The following KAZN variants were observed in gnomAD, a reference collection of about 807,000 sequenced individuals.
The protein encoded by KAZN is kazrin, periplakin interacting protein.
KAZN carries 40 observed loss-of-function variants against 87.4 expected under a neutral mutation model. That is an observed-to-expected ratio of 0.46 (90% CI 0.36 to 0.60). The LOEUF is 0.60. Ranked by LOEUF, KAZN falls within the 20% of genes least tolerant of loss-of-function variation. The pLI, the probability that KAZN is intolerant of heterozygous loss-of-function variation, is 0.00. For missense variants in KAZN, 898 were observed against 1,073.9 expected (o/e 0.84, Z 2.29); for synonymous variants, 466 against 458.3 (o/e 1.02, Z -0.22).
chr1:14,695,563 T>C (rs1234174997), intron 1 of KAZN, among the ~76,000 whole-genome samples: 1 of 146,232 alleles, frequency 6.8e-6, no homozygotes, highest in Non-Finnish European at 1.5e-5. Flanking sequence ...TGGAGTGCAG[T>C]GGCGCAATCT....
At position 13,954,245 on chromosome 1, in the gene KAZN, A is replaced by C. The variant is rs149717113; in HGVS notation, c.91+60489A>C. Among the ~76,000 whole-genome samples, 942 of 152,204 alleles carry C rather than the reference A, an allele frequency of 6.2e-3. 9 individuals are homozygous for C. Among genetic ancestry groups the C allele is most frequent in the African/African-American group, 0.018 (764 of 41,522 alleles). On this transcript the variant is annotated intron_variant, in intron 1 of 16. Transcript: ENST00000636203. ...AAAATAAAACCAACCAACCAACCAA[A>C]CAAACAAACAAAAAAACCAACAACA...
At chr1:14,872,485 A>C (rs1652250739) in intron 1 of KAZN, among the ~76,000 whole-genome samples, 1 of 152,258 alleles carries the variant, frequency 6.6e-6, no homozygotes, top group Non-Finnish European at 1.5e-5. Flanking sequence ...GGATCATTAC[A>C]GTTTGCTTTG....
intron 1 of KAZN, among the ~76,000 whole-genome samples, chr1:14,046,581 A>G (rs1425395939): frequency 6.6e-6 from 1 of 152,200 alleles, no homozygotes; most frequent in African/African-American, 2.4e-5. Context: ...TGCAGAGATC[A>G]TTGGAGAGAG....
At chr1:14,086,756 G>A (rs771431661) in intron 1 of KAZN, among the ~76,000 whole-genome samples, 3 of 152,122 alleles carry the variant, frequency 2.0e-5, no homozygotes, top group Non-Finnish European at 4.4e-5. Flanking sequence ...TATGAGGGAA[G>A]GGTCTAGATA....
intron 1 of KAZN, among the ~76,000 whole-genome samples, chr1:14,953,640 GTTA>G (rs1223172580): frequency 6.6e-6 from 1 of 152,144 alleles, no homozygotes; most frequent in Non-Finnish European, 1.5e-5. Context: ...AGATGTAATT[GTTA>G]TTATAATAAA....
intron 2 of KAZN, among the ~76,000 whole-genome samples, chr1:14,202,393 A>T (rs560755434): frequency 6.6e-6 from 1 of 152,324 alleles, no homozygotes; most frequent in East Asian, 1.9e-4. Flanking sequence ...AGCATTACCA[A>T]CCTGGTCTCG....
At chr1:14,466,850 T>A (rs999091309) in intron 2 of KAZN, among the ~76,000 whole-genome samples, 3 of 152,094 alleles carry the variant, frequency 2.0e-5, no homozygotes, top group African/African-American at 4.8e-5. Flanking sequence ...GCGCCTGTGG[T>A]CCCAGCTACT....
chr1:14,853,801 G>A (rs1465257827), intron 1 of KAZN, among the ~76,000 whole-genome samples: 1 of 152,192 alleles, frequency 6.6e-6, no homozygotes, highest in Non-Finnish European at 1.5e-5. Context: ...ATTGGTGCTA[G>A]TACAGAAGTT....
Position 15,097,749 on chromosome 1 carries a change from C to G in KAZN, c.1547+2816C>G, listed in dbSNP as rs148375600. On this transcript the variant is annotated intron_variant, in intron 10 of 14. Transcript: ENST00000376030. Reference sequence around the variant, plus strand: ...AGGAGAATTTTTTGAACCCAGGAGGCGGAGGTTGCAGTGAGCCGAGACTGC... The same window carrying G: ...AGGAGAATTTTTTGAACCCAGGAGGGGGAGGTTGCAGTGAGCCGAGACTGC... Among the ~76,000 whole-genome samples, 915 of 152,132 alleles carry G rather than the reference C, an allele frequency of 6.0e-3. 4 individuals carry two copies. The highest frequency in any genetic ancestry group is 0.01 in the Non-Finnish European group (680 of 67,998).
In KAZN at chr1:14,949,438, G is replaced by T. The variant is rs1452334253; in HGVS notation, c.227-11246G>T. Among the ~76,000 whole-genome samples the T allele has an allele frequency of 1.3e-5, 2 of 152,144 alleles. No individual in the cohort carries two copies. Among genetic ancestry groups the T allele is most frequent in the Non-Finnish European group, 2.9e-5 (2 of 68,040 alleles). ...AGACTGTTCATAAGTCATCAAGGAG[G>T]CCTGGCCATGGGCTCTGGGACTGAG... is the stretch of plus-strand genomic sequence containing the variant. On this transcript the variant is annotated intron_variant, in intron 1 of 14. Coordinates refer to ENST00000376030, the MANE Select transcript of KAZN (RefSeq NM_201628.3). The surrounding 1 kb of genome is among the most constrained non-coding windows in gnomAD (Gnocchi z 4.3).
At chr1:14,038,169 C>T (rs1641641998) in intron 1 of KAZN, among the ~76,000 whole-genome samples, 1 of 152,160 alleles carries the variant, frequency 6.6e-6, no homozygotes, top group Admixed American at 6.6e-5. Flanking sequence ...ACAAGCAATA[C>T]TCTATGAGCA....
intron 2 of KAZN, among the ~76,000 whole-genome samples, chr1:14,328,748 GAAAAAAAAAAAAA>G (rs3084955): frequency 1.8e-5 from 1 of 55,940 alleles, no homozygotes; most frequent in Non-Finnish European, 3.3e-5. Flanking sequence ...ATCCCTAACT[GAAAAAAAAAAAAA>G]AAAAAAAAAA....
At chr1:14,123,332 A>G (rs1245532821) in intron 1 of KAZN, among the ~76,000 whole-genome samples, 1 of 152,156 alleles carries the variant, frequency 6.6e-6, no homozygotes, top group East Asian at 1.9e-4. Context: ...GTGGATGTTG[A>G]GGCTTCAGGG....
intron 1 of KAZN, among the ~76,000 whole-genome samples, chr1:14,674,409 C>T (rs182422095): frequency 1.8e-4 from 27 of 152,340 alleles, no homozygotes; most frequent in Admixed American, 1.5e-3. Context: ...AAGCAAAGGT[C>T]ACCCTGGGCT....
chr1:15,005,455 CTGTTT>C (rs766143797), intron 2 of KAZN, among the ~76,000 whole-genome samples: 5 of 152,102 alleles, frequency 3.3e-5, no homozygotes, highest in Non-Finnish European at 5.9e-5. Context: ...CCACCCCTTC[CTGTTT>C]TGTTTTGTTT....
intron 1 of KAZN, among the ~76,000 whole-genome samples, chr1:14,826,647 A>G (rs1162552796): frequency 1.3e-5 from 2 of 151,218 alleles, no homozygotes; most frequent in Non-Finnish European, 3.0e-5. Flanking sequence ...GCATGCCCCC[A>G]CTGAGACTGT....
At position 15,116,203 on chromosome 1, in the gene KAZN, C is replaced by T. The variant is rs1206455608; in HGVS notation, c.*1568C>T. ...CATGATGCTCGACCTCCTTCAAGGC[C>T]GTTTGCACTGGGGCTTGAGTTTCCA... On this transcript the variant is annotated 3_prime_UTR_variant, in exon 15 of 15. Coordinates refer to ENST00000376030, the MANE Select transcript of KAZN (RefSeq NM_201628.3). The T allele has an allele frequency of 2.6e-5, 4 of 152,180 alleles. No individual in the cohort carries two copies. Among genetic ancestry groups the T allele is most frequent in the African/African-American group, 7.2e-5 (3 of 41,436 alleles). 9.4% of individuals were successfully genotyped at this position (152,180 alleles called of 1,614,324 possible). A position where few individuals can be genotyped will look rare whatever the true frequency, so the allele number is the denominator to read the frequency against.
chr1:14,928,521 T>TA lies in KAZN; in HGVS notation c.227-32154dup, dbSNP rs754307692. 2.4e-3 allele frequency among the ~76,000 whole-genome samples: 359 copies of TA among 151,562 alleles called. 2 individuals carry two copies. The highest frequency in any genetic ancestry group is 2.3e-3 in the East Asian group (12 of 5,160). On this transcript the variant is annotated intron_variant, in intron 1 of 14. Coordinates refer to ENST00000376030, the MANE Select transcript of KAZN (RefSeq NM_201628.3). ...TCTTTTTCCTTTAAATTTTTATCCT[T>TA]AAAAAAAAAGTTTGTCCTCTCCTTG...
At chr1:14,542,805 C>CG (rs1672893916) in intron 2 of KAZN, among the ~76,000 whole-genome samples, 1 of 152,164 alleles carries the variant, frequency 6.6e-6, no homozygotes, top group South Asian at 2.1e-4. Flanking sequence ...CGACTCACCC[C>CG]GGGCAAGCGG....
Sources: gnomAD v4.1 joint callset for allele counts (sites outside exome capture counted in the v4.1 genomes callset) on GRCh38, gnomAD v4.1.1 for gene constraint, Gnocchi (gnomAD v3.1) non-coding constraint, MANE v1.5 for transcripts, NCBI Gene and HGNC (gene_info 2026-07-23, HGNC 2026-07-21) for gene names.